The following CDH12 variants were observed in gnomAD, a reference collection of about 807,000 sequenced individuals.
CDH12 encodes cadherin-12.
Under a neutral mutation model 74.1 loss-of-function variants are expected in CDH12, and 41 were observed. That is an observed-to-expected ratio of 0.55 (90% CI 0.43 to 0.72). The LOEUF (loss-of-function observed/expected upper bound fraction) is 0.72, where lower values mean the gene tolerates loss of function less well. CDH12 is among the 30% of genes least tolerant of loss of function. The pLI is 0.00. For synonymous variants in CDH12, 399 were observed against 355.0 expected (o/e 1.12, Z -1.39); for missense variants, 945 against 977.2 (o/e 0.97, Z 0.44).
chr5:21,888,066 G>A (rs1439301764), intron 6 of CDH12, among the ~76,000 whole-genome samples: 5 of 152,014 alleles, frequency 3.3e-5, no homozygotes, highest in Non-Finnish European at 7.4e-5. Context: ...ACTAAGGAGG[G>A]TCTGAAAAGA....
At chr5:21,992,012 T>C (rs1351389212) in intron 5 of CDH12, among the ~76,000 whole-genome samples, 1 of 152,008 alleles carries the variant, frequency 6.6e-6, no homozygotes, top group Non-Finnish European at 1.5e-5. Context: ...AAGATAAATA[T>C]TAACTATCCT....
intron 6 of CDH12, among the ~76,000 whole-genome samples, chr5:21,880,572 T>TTTCTTTCTTTCCTTCC (rs1752224436): frequency 3.9e-4 from 5 of 12,952 alleles, no homozygotes; most frequent in African/African-American, 6.0e-4. Flanking sequence ...CCCTTCTTTC[T>TTTCTTTCTTTCCTTCC]TTCCTTCCTT....
At chr5:22,671,775 G>C (rs968814340) in intron 1 of CDH12, among the ~76,000 whole-genome samples, 1 of 151,706 alleles carries the variant, frequency 6.6e-6, no homozygotes, top group Admixed American at 6.6e-5. Context: ...TGAACAAAGG[G>C]AACAGTGGAA....
At chr5:22,769,717 A>C (rs1444437972) in intron 1 of CDH12, among the ~76,000 whole-genome samples, 1 of 152,032 alleles carries the variant, frequency 6.6e-6, no homozygotes, top group Non-Finnish European at 1.5e-5. Context: ...CATCCCTGCA[A>C]ATGAAGAGAC....
At chr5:22,041,485 G>T (rs1446799583) in intron 5 of CDH12, among the ~76,000 whole-genome samples, 1 of 152,084 alleles carries the variant, frequency 6.6e-6, no homozygotes, top group East Asian at 1.9e-4. Context: ...ATGGAAGAAG[G>T]TATTCCATGC....
chr5:22,687,298 A>C (rs1741855338), intron 1 of CDH12, among the ~76,000 whole-genome samples: 1 of 152,216 alleles, frequency 6.6e-6, no homozygotes, highest in Non-Finnish European at 1.5e-5. Context: ...GTCTAAAAAA[A>C]AAAGAAAGAA....
intron 1 of CDH12, among the ~76,000 whole-genome samples, chr5:22,545,470 T>C (rs994841339): frequency 6.6e-6 from 1 of 152,180 alleles, no homozygotes; most frequent in Admixed American, 6.5e-5. Context: ...TGCTCTAATA[T>C]AGATCCCTAG....
At chr5:22,752,266 G>A (rs1745617064) in intron 1 of CDH12, among the ~76,000 whole-genome samples, 1 of 151,508 alleles carries the variant, frequency 6.6e-6, no homozygotes, top group Non-Finnish European at 1.5e-5. Flanking sequence ...TTTTAATATG[G>A]AAAAATTATA....
intron 5 of CDH12, among the ~76,000 whole-genome samples, chr5:22,011,079 C>G (rs557674956): frequency 6.6e-6 from 1 of 152,220 alleles, no homozygotes; most frequent in East Asian, 1.9e-4. Context: ...GAACTTCAGT[C>G]TCTTTTCGAG....
chr5:22,501,558 C>T (rs1736145303), intron 2 of CDH12, among the ~76,000 whole-genome samples: 1 of 151,750 alleles, frequency 6.6e-6, no homozygotes, highest in African/African-American at 2.4e-5. Flanking sequence ...TTCCCAATGA[C>T]AAGTCCATTG....
intron 2 of CDH12, among the ~76,000 whole-genome samples, chr5:22,408,375 T>C (rs1743028016): frequency 6.6e-6 from 1 of 151,834 alleles, no homozygotes; most frequent in South Asian, 2.1e-4. Flanking sequence ...CTCTGTCCTT[T>C]TTTTCAAAAT....
chr5:22,184,329 T>C lies in CDH12; in HGVS notation c.-187+28169A>G, dbSNP rs183196945. Among the ~76,000 whole-genome samples the C allele has an allele frequency of 2.6e-5, 4 of 152,298 alleles. No homozygotes were observed. In the East Asian group the frequency reaches 5.8e-4, roughly 22 times the overall value. ...TTGGTTTTTGAAACTAAAAATAGTT[T>C]TCCATTTCCAAAAAATATATATTGT... On this transcript the variant is annotated intron_variant, in intron 4 of 14. Transcript: ENST00000382254.
At chr5:22,420,421 A>G (rs1196484944) in intron 2 of CDH12, among the ~76,000 whole-genome samples, 1 of 152,112 alleles carries the variant, frequency 6.6e-6, no homozygotes, top group East Asian at 1.9e-4. Flanking sequence ...CACCATTATT[A>G]AATAGAGAAT....
chr5:22,017,292 C>T (rs1737665965), intron 5 of CDH12, among the ~76,000 whole-genome samples: 1 of 151,976 alleles, frequency 6.6e-6, no homozygotes. Flanking sequence ...GTACCAATGA[C>T]CCTGAACATA....
intron 6 of CDH12, among the ~76,000 whole-genome samples, chr5:21,859,481 G>A (rs1025796456): frequency 2.0e-5 from 3 of 151,878 alleles, no homozygotes; most frequent in Admixed American, 6.6e-5. Flanking sequence ...TCTCCAGAAG[G>A]CTGTATATGC....
At chr5:21,907,541 C>T (rs1753693883) in intron 6 of CDH12, among the ~76,000 whole-genome samples, 1 of 152,156 alleles carries the variant, frequency 6.6e-6, no homozygotes, top group Non-Finnish European at 1.5e-5. Flanking sequence ...ATATGATTGC[C>T]ACAACCAATT....
chr5:22,256,548 T>C (rs1212603118), intron 3 of CDH12, among the ~76,000 whole-genome samples: 1 of 152,210 alleles, frequency 6.6e-6, no homozygotes, highest in Non-Finnish European at 1.5e-5. Context: ...GTACTCCTTG[T>C]ACTTATTTTT....
At chr5:22,678,307 T>G (rs933515496) in intron 1 of CDH12, among the ~76,000 whole-genome samples, 1 of 152,156 alleles carries the variant, frequency 6.6e-6, no homozygotes. Flanking sequence ...AAACACTGAA[T>G]AGCTTCATAG....
At chr5:22,407,973 G>T (rs1352308701) in intron 2 of CDH12, among the ~76,000 whole-genome samples, 2 of 151,950 alleles carry the variant, frequency 1.3e-5, no homozygotes. Context: ...CTCTCAACAG[G>T]ACTGTGAGTT....
Sources: allele counts gnomAD v4.1 joint callset (sites outside exome capture counted in the v4.1 genomes callset), GRCh38; gene constraint gnomAD v4.1.1; transcripts MANE v1.5; gene names NCBI Gene and HGNC (gene_info 2026-07-23, HGNC 2026-07-21).